The following CTSB variants were observed in gnomAD, a reference collection of about 807,000 sequenced individuals.
CTSB encodes the protein cathepsin B, also known as APP secretase.
In CTSB, 57 loss-of-function variants were observed where a neutral mutation model predicts 44.3. That is an observed-to-expected ratio of 1.29 (90% confidence interval 1.04 to 1.60). The LOEUF (loss-of-function observed/expected upper bound fraction) is 1.60, where lower values mean the gene tolerates loss of function less well. CTSB is among the 40% of genes most tolerant of loss of function. CTSB has a pLI of 0.00. For synonymous variants in CTSB, 320 were observed against 168.0 expected (o/e 1.91, Z -7.00); for missense variants, 768 against 443.0 (o/e 1.73, Z -6.59).
In CTSB at chr8:11,850,962, G is replaced by A. The variant is rs201393632; in HGVS notation, c.231C>T (p.Asp77=). 31 of 1,612,494 alleles carry A rather than the reference G, an allele frequency of 1.9e-5. No individual in the cohort carries two copies. Among genetic ancestry groups the A allele is most frequent in the East Asian group, 6.7e-5 (3 of 44,860 alleles). ...KPPQRVMFTE[D]LKLPASFDAR... Reference sequence around the variant, plus strand: ...CATCGAAGCTTGCAGGCAGCTTCAGGTCCTCGGTAAACATAACTCTGGATA... The same window carrying A: ...CATCGAAGCTTGCAGGCAGCTTCAGATCCTCGGTAAACATAACTCTGGATA... The change falls in exon 4 of 10, where the codon GAC becomes GAT. Residue 77 remains aspartate, a synonymous_variant. Transcript: ENST00000353047.
chr8:11,850,217 G>C (rs1012054605), intron 4 of CTSB, among the ~76,000 whole-genome samples: 4 of 151,994 alleles, frequency 2.6e-5, no homozygotes. Flanking sequence ...TGAGGCGTTT[G>C]AGACCAGGCT....
chr8:11,848,430 C>A, intron 5 of CTSB: 1 of 560,802 alleles, frequency 1.8e-6, no homozygotes, highest in Non-Finnish European at 3.4e-6. Context: ...GCTACGAGTG[C>A]CCTTCCGGGT....
intron 5 of CTSB, 164 bp from the exon 6 acceptor site, chr8:11,848,316 C>G (rs1813844532): frequency 1.4e-6 from 1 of 702,806 alleles, no homozygotes; most frequent in African/African-American, 1.7e-5. Context: ...GGGACGCTCC[C>G]TAGATAAGCA....
At chr8:11,851,687 G>A (rs1485235566) in intron 3 of CTSB, among the ~76,000 whole-genome samples, 2 of 152,068 alleles carry the variant, frequency 1.3e-5, no homozygotes, top group Non-Finnish European at 2.9e-5. Flanking sequence ...AGAAGGCAGT[G>A]TCGTGCAACT....
intron 8 of CTSB, 83 bp downstream of exon 8, chr8:11,846,969 C>T (rs1347168521): frequency 5.2e-6 from 4 of 770,826 alleles, no homozygotes; most frequent in African/African-American, 1.8e-5. Context: ...CAATCCAGCC[C>T]TATTGGTCAA....
chr8:11,847,022 C>G (rs772656911), intron 8 of CTSB, 30 bp downstream of exon 8: 1 of 1,187,686 alleles, frequency 8.4e-7, no homozygotes, highest in Non-Finnish European at 1.3e-6. Flanking sequence ...CGACCCCCAC[C>G]CTCTATTGCC....
Position 11,845,057 on chromosome 8 carries a change from C to T in CTSB, c.*68G>A, listed in dbSNP as rs1239004371. The T allele has an allele frequency of 9.3e-7, 1 of 1,079,962 alleles. No individual in the cohort carries two copies. The highest frequency in any genetic ancestry group is 1.8e-5 in the Admixed American group (1 of 56,852). 66.9% of individuals were successfully genotyped at this position (1,079,962 alleles called of 1,614,324 possible). Reference sequence around the variant, plus strand: ...GTCTGAAACTTGTATCTTACGTGAACTTAAAGAATAAAATGCATTTCTACC... The same window carrying T: ...GTCTGAAACTTGTATCTTACGTGAATTTAAAGAATAAAATGCATTTCTACC... On this transcript the variant is annotated 3_prime_UTR_variant, in exon 10 of 10. Transcript: ENST00000353047.
At chr8:11,854,167 C>T (rs1200915601) in intron 1 of CTSB, among the ~76,000 whole-genome samples, 1 of 152,148 alleles carries the variant, frequency 6.6e-6, no homozygotes, top group Non-Finnish European at 1.5e-5. Context: ...GAGTCACCCT[C>T]CTAAGTGAGC....
intron 1 of CTSB, among the ~76,000 whole-genome samples, chr8:11,858,553 G>C (rs780114193): frequency 6.6e-6 from 1 of 152,224 alleles, no homozygotes; most frequent in Non-Finnish European, 1.5e-5. Context: ...GCCTCCCAAA[G>C]TGTCGGGATT....
chr8:11,846,894 CAG>C (rs1204999379), intron 8 of CTSB, 156 bp downstream of exon 8: 2 of 615,912 alleles, frequency 3.2e-6, no homozygotes, highest in African/African-American at 3.7e-5. Context: ...GGCTGGTCCA[CAG>C]AGGAGTGAGC....
chr8:11,865,434 A>G (rs1398004933), intron 1 of CTSB: 4 of 152,162 alleles, frequency 2.6e-5, no homozygotes, highest in African/African-American at 9.6e-5. Context: ...ACTAAAAATA[A>G]AAAAATTAGC....
chr8:11,851,798 C>G (rs1162811194), intron 3 of CTSB, among the ~76,000 whole-genome samples: 1 of 152,094 alleles, frequency 6.6e-6, no homozygotes, highest in African/African-American at 2.4e-5. Context: ...TCCCGAGTAG[C>G]TGGGATTACA....
intron 1 of CTSB, among the ~76,000 whole-genome samples, chr8:11,866,774 A>C (rs2150466107): frequency 6.6e-6 from 1 of 152,174 alleles, no homozygotes; most frequent in Non-Finnish European, 1.5e-5. Context: ...GCAGGAGAAT[A>C]GCTTGAATTT....
At chr8:11,855,722 G>T (rs1411598361) in intron 1 of CTSB, among the ~76,000 whole-genome samples, 1 of 152,028 alleles carries the variant, frequency 6.6e-6, no homozygotes, top group East Asian at 1.9e-4. Context: ...GGCCAACACA[G>T]ATAAAAATAA....
rs543574032 is a variant in CTSB, at chr8:11,847,047, C to G, written c.793+5G>C. ...CCTCTATTGCCATCAGCCATCAGCA[C>G]GCACCTGACTTGTAGAGCAGGAAGT... On this transcript the variant is annotated splice_donor_5th_base_variant and intron_variant, in intron 8 of 9. Transcript: ENST00000353047. 2.0e-6 allele frequency: 3 copies of G among 1,499,198 alleles called. No homozygotes were observed. Among genetic ancestry groups the G allele is most frequent in the South Asian group, 2.3e-5 (2 of 88,792 alleles). 92.9% of individuals were successfully genotyped at this position (1,499,198 alleles called of 1,614,324 possible).
At chr8:11,861,079 A>C (rs1416776311) in intron 1 of CTSB, among the ~76,000 whole-genome samples, 1 of 152,148 alleles carries the variant, frequency 6.6e-6, no homozygotes, top group African/African-American at 2.4e-5. Flanking sequence ...CCCCTAATGG[A>C]ACTGTGTTTA....
intron 2 of CTSB, 26 bp from the exon 3 acceptor site, chr8:11,852,721 A>T (rs1204024028): frequency 6.2e-7 from 1 of 1,607,426 alleles, no homozygotes. Context: ...CCACTGACTG[A>T]AGGGTCTCCC....
chr8:11,850,671 G>GC, intron 4 of CTSB, 195 bp downstream of exon 4: 2 of 475,028 alleles, frequency 4.2e-6, no homozygotes, highest in East Asian at 6.6e-5. Flanking sequence ...TGGATGCTCT[G>GC]CCCGCCACTC....
intron 1 of CTSB, among the ~76,000 whole-genome samples, chr8:11,865,263 G>A (rs898541449): frequency 1.3e-5 from 2 of 152,214 alleles, no homozygotes; most frequent in African/African-American, 4.8e-5. Context: ...AGAGGCAGCA[G>A]ACTGGGCGCA....
Sources: gnomAD v4.1 joint callset for allele counts (sites outside exome capture counted in the v4.1 genomes callset) on GRCh38, gnomAD v4.1.1 for gene constraint, MANE v1.5 for transcripts, NCBI Gene and HGNC (gene_info 2026-07-23, HGNC 2026-07-21) for gene names.